KHSRP: variants seen among roughly 807,000 people sequenced by gnomAD.
KHSRP encodes the protein KH-type splicing regulatory protein, also known as far upstream element-binding protein 2.
KHSRP carries 13 observed loss-of-function variants against 94.9 expected under a neutral mutation model. The observed-to-expected ratio is 0.14, with a 90% confidence interval of 0.09 to 0.22. The LOEUF is 0.22. Among genes scored for constraint, KHSRP ranks in the 10% least tolerant of loss-of-function variants. KHSRP has a pLI of 1.00. For synonymous variants in KHSRP, 495 were observed against 401.4 expected (o/e 1.23, Z -2.79); for missense variants, 710 against 1,010.0 (o/e 0.70, Z 4.03).
chr19:6,421,167 G>A lies in KHSRP; in HGVS notation c.425+111C>T, dbSNP rs2145122962. On this transcript the variant is annotated intron_variant, in intron 4 of 18. Transcript: ENST00000600480. ...TGAGCACTCTGGTCAACTGGCACTG[G>A]GGGATAAAACCTGAGAGATGTGCCC... is the stretch of plus-strand genomic sequence containing the variant. The A allele has an allele frequency of 7.9e-5, 78 of 987,970 alleles. 4 individuals carry two copies. In the South Asian group the frequency reaches 1.1e-3, roughly 14 times the overall value. 61.2% of individuals were successfully genotyped at this position (987,970 alleles called of 1,614,324 possible). A position where few individuals can be genotyped will look rare whatever the true frequency, so the allele number is the denominator to read the frequency against.
rs2092129345 is a variant in KHSRP, at chr19:6,414,727, T to G, written c.*297A>C. Reference sequence around the variant, plus strand: ...AAAAGAACAAAAACCAAAAAAGTGATGCAGAGAAGGGGAAAAAATAGACGT... The same window carrying G: ...AAAAGAACAAAAACCAAAAAAGTGAGGCAGAGAAGGGGAAAAAATAGACGT... On this transcript the variant is annotated 3_prime_UTR_variant, in exon 19 of 19. Coordinates refer to ENST00000600480, the MANE Select transcript of KHSRP (RefSeq NM_001366299.1). 1.9e-6 allele frequency: 2 copies of G among 1,051,416 alleles called. No homozygotes were observed. The highest frequency in any genetic ancestry group is 1.1e-6 in the Non-Finnish European group (1 of 873,350). The allele number at this position is 1,051,416 out of a possible 1,614,324, so 65.1% of individuals were successfully genotyped here.
intron 15 of KHSRP, 86 bp from the exon 16 acceptor site, chr19:6,415,982 G>A (rs1449766552): frequency 2.3e-6 from 2 of 879,756 alleles, no homozygotes; most frequent in African/African-American, 1.7e-5. Flanking sequence ...TTTTTCAGTG[G>A]GGAGGCGCCA....
In KHSRP at chr19:6,417,974, C is replaced by T. The variant is rs749143559; in HGVS notation, c.978+7G>A. The T allele has an allele frequency of 8.1e-6, 13 of 1,613,416 alleles. No homozygotes were observed. The highest frequency in any genetic ancestry group is 4.0e-5 in the African/African-American group (3 of 74,916). On this transcript the variant is annotated splice_region_variant and intron_variant, in intron 10 of 18. Transcript: ENST00000600480. ...GAGAGGGGGGTGAAGGCAGGGCCCACACTCACATCGATGCCTCCGCCAATC... is the reference window on the plus strand; with the variant it reads ...GAGAGGGGGGTGAAGGCAGGGCCCATACTCACATCGATGCCTCCGCCAATC...
At chr19:6,417,609 C>T (rs547622224) in intron 11 of KHSRP, 130 bp downstream of exon 11, 21 of 689,900 alleles carry the variant, frequency 3.0e-5, no homozygotes, top group African/African-American at 1.2e-4. Context: ...CATGTTCTGA[C>T]GGCTGGACTA....
intron 18 of KHSRP, 25 bp from the exon 19 acceptor site, chr19:6,415,326 G>A (rs769977745): frequency 2.4e-5 from 39 of 1,613,374 alleles, no homozygotes; most frequent in Non-Finnish European, 2.9e-5. Context: ...AGGCAGGTGA[G>A]AGGCTGTGGG....
chr19:6,422,488 T>C, intron 1 of KHSRP, 52 bp from the exon 2 acceptor site: 1 of 1,361,112 alleles, frequency 7.3e-7, no homozygotes, highest in Non-Finnish European at 1.0e-6. Context: ...CAACCCTCCA[T>C]GGCACCCAGG....
rs758525328 is a variant in KHSRP, at chr19:6,420,161, G to A, written c.476-17C>T. ...TGCCAATGACTGGATGGAGAAAGAA[G>A]GAGAAAAGCAAAGCGTGATGAGGGA... On this transcript the variant is annotated splice_polypyrimidine_tract_variant and intron_variant, in intron 5 of 18. Coordinates refer to ENST00000600480, the MANE Select transcript of KHSRP (RefSeq NM_001366299.1). 5 of 1,607,668 alleles carry A rather than the reference G, an allele frequency of 3.1e-6. No individual in the cohort carries two copies. The African/African-American group carries it at 4.0e-5, about 13-fold the overall frequency.
chr19:6,421,521 T>A, intron 3 of KHSRP, 129 bp downstream of exon 3: 4 of 1,133,162 alleles, frequency 3.5e-6, no homozygotes, highest in Middle Eastern at 2.0e-4. Flanking sequence ...CTCAAACGTA[T>A]GGGCCCCAGA....
At chr19:6,423,749 C>A (rs1382020843) in intron 1 of KHSRP, among the ~76,000 whole-genome samples, 3 of 152,224 alleles carry the variant, frequency 2.0e-5, no homozygotes, top group Non-Finnish European at 4.4e-5. Flanking sequence ...CCGACCCCCA[C>A]CCCTCCAGGC....
rs949333804 is a variant in KHSRP, at chr19:6,415,863, G to C, written c.1632C>G (p.Pro544=). 1 of 1,562,902 alleles carries C rather than the reference G, an allele frequency of 6.4e-7. No homozygotes were observed. ...AGGPPPHQYP[P]QGWGNTYPQW... ...GGGGGTAGGTATTGCCCCAGCCCTG[G>C]GGTGGGTACTGGTGAGGAGGGGGCC... is the stretch of plus-strand genomic sequence containing the variant. The change falls in exon 16 of 19, where the codon CCC becomes CCG. Residue 544 remains proline, a synonymous_variant. Coordinates refer to ENST00000600480, the MANE Select transcript of KHSRP (RefSeq NM_001366299.1).
Position 6,414,683 on chromosome 19 carries a change from T to G in KHSRP, c.*341A>C. 9.9e-7 allele frequency: 1 copy of G among 1,014,614 alleles called. No homozygotes were observed. The highest frequency in any genetic ancestry group is 1.2e-6 in the Non-Finnish European group (1 of 849,878). The allele number at this position is 1,014,614 out of a possible 1,614,324, so 62.9% of individuals were successfully genotyped here. On this transcript the variant is annotated 3_prime_UTR_variant, in exon 19 of 19. Transcript: ENST00000600480. ...TGGACACAGGAAAAAAGATCATGGG[T>G]TTAAAAAATAAAAGAATAAAAAGAA... is the stretch of plus-strand genomic sequence containing the variant.
chr19:6,414,417 G>T lies in KHSRP; in HGVS notation c.*607C>A. 7.9e-7 allele frequency: 1 copy of T among 1,273,094 alleles called. No individual in the cohort carries two copies. The highest frequency in any genetic ancestry group is 9.9e-7 in the Non-Finnish European group (1 of 1,008,242). The allele number at this position is 1,273,094 out of a possible 1,614,324, so 78.9% of individuals were successfully genotyped here. A position where few individuals can be genotyped will look rare whatever the true frequency, so the allele number is the denominator to read the frequency against. ...TAGGGGAGCTGCCCTGTCTCCGGAG[G>T]GCGGTGGCTCCCGGCGCAGCACGAC... On this transcript the variant is annotated 3_prime_UTR_variant, in exon 19 of 19. Transcript: ENST00000600480.
At chr19:6,421,764 G>A in intron 2 of KHSRP, 76 bp from the exon 3 acceptor site, 3 of 1,547,604 alleles carry the variant, frequency 1.9e-6, no homozygotes, top group South Asian at 1.1e-5. Flanking sequence ...GGTGCCACAT[G>A]TCCAAGGTAA....
Position 6,423,762 on chromosome 19 carries a change from T to G in KHSRP, c.249+691A>C, listed in dbSNP as rs559399438. 2.0e-5 allele frequency among the ~76,000 whole-genome samples: 3 copies of G among 152,226 alleles called. No homozygotes were observed. In the South Asian group the frequency reaches 6.2e-4, roughly 32 times the overall value. Reference sequence around the variant, plus strand: ...TACCGACCCCCACCCCTCCAGGCCATGGGGAGGCTGCAAATGGAGCTGGAG... The same window carrying G: ...TACCGACCCCCACCCCTCCAGGCCAGGGGGAGGCTGCAAATGGAGCTGGAG... On this transcript the variant is annotated intron_variant, in intron 1 of 18. Transcript: ENST00000600480.
rs549363971 is a variant in KHSRP at position 6,418,386 on chromosome 19, A to T, written c.879+97T>A. On this transcript the variant is annotated intron_variant, in intron 9 of 18. Transcript: ENST00000600480. This position sits in a 1 kb window ranked among gnomAD's most constrained non-coding sequence, Gnocchi z 4.3. ...CTTGGTGTTATGACCGACTGTTCAC[A>T]TATCTCTCTGGCGGAATGCAGACCC... The T allele has an allele frequency of 1.4e-4, 121 of 870,958 alleles. 1 individual carries two copies. The South Asian group carries it at 1.7e-3, about 12-fold the overall frequency. The allele number at this position is 870,958 out of a possible 1,614,324, so 54.0% of individuals were successfully genotyped here. A position where few individuals can be genotyped will look rare whatever the true frequency, so the allele number is the denominator to read the frequency against.
rs1050509704 is a variant in KHSRP, at chr19:6,424,397, CCTCCCCCGCCTGCG to C, written c.249+42_249+55del. 8.6e-6 allele frequency: 8 copies of C among 929,710 alleles called. No individual in the cohort carries two copies. In the Admixed American group the frequency reaches 1.9e-4, roughly 22 times the overall value. The allele number at this position is 929,710 out of a possible 1,614,324, so 57.6% of individuals were successfully genotyped here. On this transcript the variant is annotated intron_variant, in intron 1 of 18. Transcript: ENST00000600480. ...GCGCGCGCGCACGTGACCCCCGCCC[CCTCCCCCGCCTGCG>C]CGCGCGCGCGAGCGCGCCCCTCAGG...
intron 1 of KHSRP, chr19:6,424,001 T>C (rs369514944): frequency 1.3e-5 from 2 of 152,362 alleles, no homozygotes; most frequent in Non-Finnish European, 2.9e-5. Context: ...GAGGAAGGAC[T>C]GTCCCTCCCA....
rs1006040324 is a variant in KHSRP at position 6,419,106 on chromosome 19, C to G, written c.605+97G>C. The G allele has an allele frequency of 3.2e-6, 4 of 1,242,434 alleles. No homozygotes were observed. The African/African-American group carries it at 4.5e-5, about 14-fold the overall frequency. 77.0% of individuals were successfully genotyped at this position (1,242,434 alleles called of 1,614,324 possible). On this transcript the variant is annotated intron_variant, in intron 7 of 18. Transcript: ENST00000600480. ...TGGAGATGGGGGCAAGAATGGAGGA[C>G]ATGGCGTGCAAGTTGCTCCCAACTT...
intron 1 of KHSRP, among the ~76,000 whole-genome samples, chr19:6,423,791 T>C (rs528131581): frequency 6.6e-6 from 1 of 151,888 alleles, no homozygotes; most frequent in Admixed American, 6.5e-5. Context: ...GCTGGAGAGG[T>C]CAGTCCTAGC....
Sources: gnomAD v4.1 joint callset for allele counts (sites outside exome capture counted in the v4.1 genomes callset) on GRCh38, gnomAD v4.1.1 for gene constraint, Gnocchi (gnomAD v3.1) non-coding constraint, MANE v1.5 for transcripts, NCBI Gene and HGNC (gene_info 2026-07-23, HGNC 2026-07-21) for gene names.